NTRK3: variants seen among roughly 807,000 people sequenced by gnomAD.
NTRK3 encodes the protein neurotrophic receptor tyrosine kinase 3, also known as NT-3 growth factor receptor.
A neutral mutation model predicts 91.7 loss-of-function variants in NTRK3; 24 were observed. The observed-to-expected ratio is 0.26, with a 90% CI of 0.19 to 0.37. The LOEUF (loss-of-function observed/expected upper bound fraction) is 0.37, where lower values mean the gene tolerates loss of function less well. Among genes scored for constraint, NTRK3 ranks in the 10% least tolerant of loss-of-function variants. The pLI is 1.00. For missense variants in NTRK3, 880 were observed against 1,068.9 expected (o/e 0.82, Z 2.46); for synonymous variants, 483 against 404.0 (o/e 1.20, Z -2.34).
chr15:88,116,385 G>C (rs1053966350), intron 13 of NTRK3, among the ~76,000 whole-genome samples: 2 of 151,614 alleles, frequency 1.3e-5, no homozygotes, highest in Non-Finnish European at 2.9e-5. Flanking sequence ...AGGAGTTCGA[G>C]ATCAGCCTGG....
intron 14 of NTRK3, among the ~76,000 whole-genome samples, chr15:88,023,710 A>G (rs2077780080): frequency 6.6e-6 from 1 of 152,202 alleles, no homozygotes; most frequent in Non-Finnish European, 1.5e-5. Flanking sequence ...AGCTAACAGC[A>G]GCCCCTGGTA....
intron 14 of NTRK3, 143 bp downstream of exon 14, chr15:88,032,714 A>C: frequency 1.1e-6 from 1 of 945,532 alleles, no homozygotes; most frequent in Non-Finnish European, 1.6e-6. Context: ...TCAAGTTTTG[A>C]AACAAACAGG....
chr15:88,172,417 A>T (rs1455412783), intron 5 of NTRK3, among the ~76,000 whole-genome samples: 1 of 152,284 alleles, frequency 6.6e-6, no homozygotes, highest in East Asian at 1.9e-4. Flanking sequence ...AGAGAAGAAA[A>T]TCTACTGAGA....
chr15:88,143,247 AAAG>A (rs746812098), intron 6 of NTRK3, among the ~76,000 whole-genome samples: 2 of 152,230 alleles, frequency 1.3e-5, no homozygotes, highest in South Asian at 4.1e-4. Flanking sequence ...ATAGAAAAAG[AAAG>A]AAGGTGGAGA....
chr15:87,871,960 C>T (rs896770623), exon 19 of NTRK3: 3 of 222,028 alleles, frequency 1.4e-5, no homozygotes, highest in Non-Finnish European at 2.7e-5. Context: ...ATATTTAAAT[C>T]CTTAAATATT....
At chr15:88,208,577 A>C (rs2048982124) in intron 3 of NTRK3, among the ~76,000 whole-genome samples, 1 of 152,144 alleles carries the variant, frequency 6.6e-6, no homozygotes, top group African/African-American at 2.4e-5. Flanking sequence ...TGAGGCTGCT[A>C]GTCCATAGAA....
At chr15:87,929,875 T>C (rs977519109) in intron 16 of NTRK3, among the ~76,000 whole-genome samples, 1 of 152,214 alleles carries the variant, frequency 6.6e-6, no homozygotes, top group South Asian at 2.1e-4. Context: ...AATGATGAGA[T>C]TGCTCAGCCA....
intron 14 of NTRK3, chr15:87,977,915 A>G (rs999592321): frequency 4.3e-6 from 1 of 232,450 alleles, no homozygotes; most frequent in Non-Finnish European, 8.5e-6. Context: ...CATAGACTCT[A>G]TTCTCTACTA....
chr15:88,035,285 C>T (rs2078972473), intron 13 of NTRK3, among the ~76,000 whole-genome samples: 2 of 152,196 alleles, frequency 1.3e-5, no homozygotes, highest in South Asian at 4.2e-4. Context: ...GAACAAGGTG[C>T]CCCGCCCCCA....
At chr15:88,064,361 A>G (rs1391821764) in intron 13 of NTRK3, among the ~76,000 whole-genome samples, 3 of 152,122 alleles carry the variant, frequency 2.0e-5, no homozygotes, top group Admixed American at 6.6e-5. Context: ...AGATGGACCA[A>G]CTGATTTTAT....
intron 13 of NTRK3, among the ~76,000 whole-genome samples, chr15:88,038,619 C>T (rs2079290791): frequency 6.6e-6 from 1 of 152,160 alleles, no homozygotes; most frequent in Non-Finnish European, 1.5e-5. Flanking sequence ...ATGAGGGAGG[C>T]TGTGCATGGG....
chr15:87,936,945 C>T (rs2069345886), intron 15 of NTRK3, among the ~76,000 whole-genome samples: 1 of 152,086 alleles, frequency 6.6e-6, no homozygotes. Context: ...GTCTGGTCTC[C>T]CCATCTCTCT....
At chr15:87,865,141 G>T (rs899598381) in exon 19 of NTRK3, 13 of 211,334 alleles carry the variant, frequency 6.2e-5, no homozygotes, top group Non-Finnish European at 1.2e-4. Context: ...AGGATTTGGG[G>T]TATGCAGCTT....
At chr15:88,035,214 G>C (rs1013621146) in intron 13 of NTRK3, among the ~76,000 whole-genome samples, 10 of 152,214 alleles carry the variant, frequency 6.6e-5, no homozygotes, top group Non-Finnish European at 1.3e-4. Context: ...TGCTGGAAAG[G>C]ATCACTATGT....
At chr15:88,094,295 T>C (rs2049343240) in intron 13 of NTRK3, among the ~76,000 whole-genome samples, 1 of 149,508 alleles carries the variant, frequency 6.7e-6, no homozygotes, top group South Asian at 2.1e-4. Flanking sequence ...TGAAACCCCA[T>C]CTCTACTAAA....
chr15:87,983,259 C>A (rs983876030), intron 14 of NTRK3, among the ~76,000 whole-genome samples: 3 of 152,300 alleles, frequency 2.0e-5, no homozygotes, highest in Non-Finnish European at 4.4e-5. Context: ...GCGCTGGGGC[C>A]CTGGGTGGTA....
intron 13 of NTRK3, among the ~76,000 whole-genome samples, chr15:88,045,975 C>T (rs2080147665): frequency 6.6e-6 from 1 of 152,218 alleles, no homozygotes; most frequent in African/African-American, 2.4e-5. Flanking sequence ...AATAAGTTCA[C>T]ATTAACAGGT....
exon 19 of NTRK3, chr15:87,863,652 A>G (rs917547668): frequency 3.1e-5 from 7 of 223,648 alleles, no homozygotes; most frequent in Admixed American, 1.1e-4. Context: ...CCCTCATGTT[A>G]TTCATGAACC....
intron 3 of NTRK3, among the ~76,000 whole-genome samples, chr15:88,231,860 G>C (rs2051214832): frequency 6.6e-6 from 1 of 152,206 alleles, no homozygotes. Context: ...CTGGAACTGA[G>C]TGATTTCTTA....
Sources: gnomAD v4.1 joint callset for allele counts (sites outside exome capture counted in the v4.1 genomes callset) on GRCh38, gnomAD v4.1.1 for gene constraint, MANE v1.5 for transcripts, NCBI Gene and HGNC (gene_info 2026-07-23, HGNC 2026-07-21) for gene names.